The following JMJD1C variants were observed in gnomAD, a reference collection of about 807,000 sequenced individuals.
The protein encoded by JMJD1C is jumonji domain containing 1C, also known as jumonji domain-containing protein 1C.
A neutral mutation model predicts 245.3 loss-of-function variants in JMJD1C; 31 were observed. The ratio of observed to expected loss-of-function variants is 0.13; its 90% confidence interval spans 0.09 to 0.17. The LOEUF (loss-of-function observed/expected upper bound fraction) is 0.17, where lower values mean the gene tolerates loss of function less well. JMJD1C is among the 10% of genes least tolerant of loss of function. The probability of loss-of-function intolerance (pLI) is 1.00; values close to 1 mark genes in which losing one functional copy is unlikely to be tolerated. For synonymous variants in JMJD1C, 1,057 were observed against 1,017.4 expected (o/e 1.04, Z -0.74); for missense variants, 2,691 against 3,000.2 (o/e 0.90, Z 2.41).
rs116080918 is a variant in JMJD1C, at chr10:63,382,479, C to G, written c.169-1997G>C. On this transcript the variant is annotated intron_variant, in intron 1 of 25. Coordinates refer to ENST00000399262, the MANE Select transcript of JMJD1C (RefSeq NM_032776.3). ...ATCTTTAATGATGCAGAAAAAGCAT[C>G]TGACCAAATTCCATGGCTTTTCATG... Among the ~76,000 whole-genome samples the G allele has an allele frequency of 6.2e-3, 944 of 152,240 alleles. 10 individuals carry two copies. Among genetic ancestry groups the G allele is most frequent in the African/African-American group, 0.021 (872 of 41,516 alleles).
intron 1 of JMJD1C, among the ~76,000 whole-genome samples, chr10:63,389,367 A>G (rs1465419017): frequency 4.0e-5 from 6 of 150,872 alleles, no homozygotes. Context: ...AAAGAGTACA[A>G]TAATAATTGG....
Position 63,257,241 on chromosome 10 carries a change from A to G in JMJD1C, c.447+7410T>C, listed in dbSNP as rs1020739468. ...GACTTCATCTCAAAAAAAAAAAAAA[A>G]AAAGAAAGAAAAGGAAAAAGAAAAA... On this transcript the variant is annotated intron_variant, in intron 3 of 25. Coordinates refer to ENST00000399262, the MANE Select transcript of JMJD1C (RefSeq NM_032776.3). 8.7e-4 allele frequency among the ~76,000 whole-genome samples: 132 copies of G among 151,694 alleles called. 2 individuals carry two copies. Among genetic ancestry groups the G allele is most frequent in the African/African-American group, 2.5e-3 (102 of 41,310 alleles).
chr10:63,180,511 CA>C (rs1469022113), intron 22 of JMJD1C, among the ~76,000 whole-genome samples: 1 of 152,128 alleles, frequency 6.6e-6, no homozygotes, highest in Non-Finnish European at 1.5e-5. Context: ...TTATCTGTGA[CA>C]AAGTCTTTTC....
At chr10:63,183,035 A>G (rs1211289879) in intron 22 of JMJD1C, among the ~76,000 whole-genome samples, 3 of 151,966 alleles carry the variant, frequency 2.0e-5, no homozygotes, top group Non-Finnish European at 4.4e-5. Flanking sequence ...CTAATTTTGT[A>G]TTTTTAGTAG....
intron 2 of JMJD1C, among the ~76,000 whole-genome samples, chr10:63,375,780 C>T (rs576294091): frequency 1.3e-5 from 2 of 151,910 alleles, no homozygotes; most frequent in Non-Finnish European, 2.9e-5. Context: ...GTGTTGAGCT[C>T]CTGGCCTCAA....
intron 1 of JMJD1C, among the ~76,000 whole-genome samples, chr10:63,501,424 C>T (rs2893923): frequency 0.27 from 41,721 of 151,960 alleles, 5,948 homozygotes; most frequent in East Asian, 0.34. Flanking sequence ...CCCTTTCCCC[C>T]ATACTTTTCA....
rs150133699 is a variant in JMJD1C, at chr10:63,396,336, A to C, written c.169-15854T>G. On this transcript the variant is annotated intron_variant, in intron 1 of 25. Coordinates refer to ENST00000399262, the MANE Select transcript of JMJD1C (RefSeq NM_032776.3). ...ATTACTGAACTTATACCCCATTATC[A>C]CAGCACAAATTAGTCCCTGAACAGT... is the stretch of plus-strand genomic sequence containing the variant. Among the ~76,000 whole-genome samples the C allele has an allele frequency of 8.8e-4, 134 of 152,326 alleles. 2 individuals carry two copies. Among genetic ancestry groups the C allele is most frequent in the African/African-American group, 3.2e-3 (132 of 41,558 alleles).
At chr10:63,405,171 CAATT>C in intron 1 of JMJD1C, among the ~76,000 whole-genome samples, 1 of 152,208 alleles carries the variant, frequency 6.6e-6, no homozygotes, top group Non-Finnish European at 1.5e-5. Context: ...TCAATTCTCT[CAATT>C]AAATCCTATA....
At chr10:63,361,341 T>C (rs376288902) in intron 2 of JMJD1C, among the ~76,000 whole-genome samples, 1 of 152,170 alleles carries the variant, frequency 6.6e-6, no homozygotes, top group African/African-American at 2.4e-5. Flanking sequence ...AAGAATCATT[T>C]GAACCCAGGA....
chr10:63,171,269 G>GTCAT (rs1484251433), intron 24 of JMJD1C, among the ~76,000 whole-genome samples: 12 of 112,144 alleles, frequency 1.1e-4, no homozygotes, highest in Admixed American at 8.2e-4. Flanking sequence ...GGAGGTCAGG[G>GTCAT]TCATTGCTCT....
chr10:63,500,978 A>G (rs1346931321), intron 1 of JMJD1C, among the ~76,000 whole-genome samples: 4 of 152,230 alleles, frequency 2.6e-5, no homozygotes, highest in Non-Finnish European at 5.9e-5. Context: ...CTTTAAAATT[A>G]TAACACGAAC....
At chr10:63,493,643 C>T (rs780915498) in intron 1 of JMJD1C, among the ~76,000 whole-genome samples, 4 of 152,080 alleles carry the variant, frequency 2.6e-5, no homozygotes, top group Admixed American at 2.0e-4. Context: ...CCACCACACC[C>T]GGCTAATTCC....
intron 2 of JMJD1C, among the ~76,000 whole-genome samples, chr10:63,375,317 GCTAGGA>G (rs1946645169): frequency 1.3e-5 from 2 of 149,958 alleles, no homozygotes; most frequent in African/African-American, 4.9e-5. Flanking sequence ...TTCCCAAGTA[GCTAGGA>G]CTACAGGCTC....
intron 2 of JMJD1C, among the ~76,000 whole-genome samples, chr10:63,327,148 C>T (rs1941612046): frequency 6.6e-6 from 1 of 152,136 alleles, no homozygotes; most frequent in African/African-American, 2.4e-5. Flanking sequence ...GAATGCACCA[C>T]TGTACTCCAG....
chr10:63,293,050 C>A (rs908675497), intron 2 of JMJD1C, among the ~76,000 whole-genome samples: 3 of 152,060 alleles, frequency 2.0e-5, no homozygotes, highest in Non-Finnish European at 4.4e-5. Flanking sequence ...TCAAAATAAA[C>A]AAACAAACAA....
At chr10:63,280,135 G>A (rs1249474458) in intron 2 of JMJD1C, among the ~76,000 whole-genome samples, 1 of 151,998 alleles carries the variant, frequency 6.6e-6, no homozygotes. Context: ...TGGGTGACAG[G>A]GCGAGACTTC....
chr10:63,369,693 A>G (rs980214905), intron 2 of JMJD1C, among the ~76,000 whole-genome samples: 5 of 152,214 alleles, frequency 3.3e-5, no homozygotes, highest in Admixed American at 3.3e-4. Context: ...ACGTTCAAAT[A>G]TATTCATTTT....
intron 1 of JMJD1C, among the ~76,000 whole-genome samples, chr10:63,389,984 C>G (rs1456657296): frequency 6.6e-6 from 1 of 151,948 alleles, no homozygotes; most frequent in African/African-American, 2.4e-5. Flanking sequence ...CCCATGAAAA[C>G]AGAATAGAAC....
chr10:63,308,800 AAAC>A (rs1210858982), intron 2 of JMJD1C, among the ~76,000 whole-genome samples: 4 of 151,640 alleles, frequency 2.6e-5, no homozygotes, highest in African/African-American at 7.2e-5. Context: ...AAAGAAAAAA[AAAC>A]AACAACTAAA....
Sources: allele counts gnomAD v4.1 joint callset (sites outside exome capture counted in the v4.1 genomes callset), GRCh38; gene constraint gnomAD v4.1.1; transcripts MANE v1.5; gene names NCBI Gene and HGNC (gene_info 2026-07-23, HGNC 2026-07-21).